The following SPAG17 variants were observed in gnomAD, a reference collection of about 807,000 sequenced individuals.
SPAG17 encodes the protein sperm-associated antigen 17.
In SPAG17, 169 loss-of-function variants were observed where a neutral mutation model predicts 273.6. That is an observed-to-expected ratio of 0.62 (90% CI 0.55 to 0.70). The LOEUF (loss-of-function observed/expected upper bound fraction) is 0.70. SPAG17 is among the 30% of genes least tolerant of loss of function. SPAG17 has a pLI of 0.00. For missense variants in SPAG17, 2,557 were observed against 2,627.8 expected, an observed-to-expected ratio of 0.97 and a Z score of 0.59; for synonymous variants, 825 against 873.2, an observed-to-expected ratio of 0.94 and a Z score of 0.97.
chr1:118,171,632 T>C (rs995419848), intron 1 of SPAG17, among the ~76,000 whole-genome samples: 1 of 152,206 alleles, frequency 6.6e-6, no homozygotes, highest in Non-Finnish European at 1.5e-5. Flanking sequence ...CTTTTCATAC[T>C]TATTTATTGG....
intron 32 of SPAG17, among the ~76,000 whole-genome samples, chr1:117,998,190 T>C (rs529952974): frequency 2.6e-5 from 4 of 152,272 alleles, no homozygotes; most frequent in East Asian, 3.9e-4. Flanking sequence ...TAGTTTAGGT[T>C]TTACATTTAA....
chr1:117,973,261 GTAGA>G (rs1375407918), intron 44 of SPAG17, among the ~76,000 whole-genome samples, 160 bp downstream of exon 44: 1 of 152,148 alleles, frequency 6.6e-6, no homozygotes, highest in African/African-American at 2.4e-5. Context: ...TGGTGAGATG[GTAGA>G]TACGGTCAAT....
At chr1:118,100,521 G>A (rs1403880985) in intron 5 of SPAG17, among the ~76,000 whole-genome samples, 1 of 152,092 alleles carries the variant, frequency 6.6e-6, no homozygotes, top group Non-Finnish European at 1.5e-5. Flanking sequence ...TTTCACAAAA[G>A]CCCATTAAGA....
chr1:117,988,595 T>C (rs1295836202), intron 38 of SPAG17, among the ~76,000 whole-genome samples: 2 of 152,148 alleles, frequency 1.3e-5, no homozygotes, highest in Non-Finnish European at 1.5e-5. Flanking sequence ...TATAAGACAA[T>C]GGTTGTTCAA....
At position 118,125,245 on chromosome 1, in the gene SPAG17, A is replaced by ATATATATT. The variant is rs146004766; in HGVS notation, c.316-9805_316-9804insAATATATA. Among the ~76,000 whole-genome samples, 640 of 150,818 alleles carry ATATATATT rather than the reference A, an allele frequency of 4.2e-3. 1 individual carries two copies. Among genetic ancestry groups the ATATATATT allele is most frequent in the Middle Eastern group, 0.014 (4 of 288 alleles). On this transcript the variant is annotated intron_variant, in intron 3 of 48. Transcript: ENST00000336338. ...TTATTGTATTCATATATATATATAT[A>ATATATATT]TTTTTGACATATAATAATGGTAAAT...
At chr1:118,018,690 T>C (rs1660202881) in intron 28 of SPAG17, among the ~76,000 whole-genome samples, 1 of 150,526 alleles carries the variant, frequency 6.6e-6, no homozygotes. Flanking sequence ...AAAAAATTGC[T>C]GAGCATGGTG....
intron 48 of SPAG17, chr1:117,955,368 T>C (rs1382626365): frequency 6.2e-7 from 1 of 1,611,340 alleles, no homozygotes; most frequent in African/African-American, 1.3e-5. Flanking sequence ...GGTGAGTGAG[T>C]CCTTGCGCAC....
chr1:118,032,408 A>G (rs992159423), intron 24 of SPAG17, among the ~76,000 whole-genome samples: 2 of 152,022 alleles, frequency 1.3e-5, no homozygotes, highest in African/African-American at 4.8e-5. Flanking sequence ...CCAGAATTCT[A>G]AAAGGAGAGC....
chr1:118,049,066 G>C (rs1028131492), intron 20 of SPAG17, among the ~76,000 whole-genome samples: 1 of 152,064 alleles, frequency 6.6e-6, no homozygotes, highest in African/African-American at 2.4e-5. Context: ...TAACAACTGA[G>C]AGACTGAATC....
intron 7 of SPAG17, 27 bp downstream of exon 7, chr1:118,097,642 AT>A: frequency 1.3e-6 from 2 of 1,525,818 alleles, no homozygotes; most frequent in Non-Finnish European, 1.8e-6. Context: ...TGTTAAAACC[AT>A]GCACTCTCAG....
chr1:117,986,324 A>C (rs886206209), intron 40 of SPAG17, among the ~76,000 whole-genome samples: 21 of 152,208 alleles, frequency 1.4e-4, no homozygotes, highest in African/African-American at 5.1e-4. Flanking sequence ...GTAACTGATA[A>C]ACTCAAATTC....
At chr1:118,125,346 T>A (rs146058492) in intron 3 of SPAG17, among the ~76,000 whole-genome samples, 1 of 152,150 alleles carries the variant, frequency 6.6e-6, no homozygotes, top group South Asian at 2.1e-4. Flanking sequence ...TTAGCATATC[T>A]ATCACCTCAA....
chr1:118,080,957 G>C (rs1654503867), intron 15 of SPAG17, 144 bp downstream of exon 15: 2 of 656,976 alleles, frequency 3.0e-6, no homozygotes, highest in South Asian at 4.0e-5. Context: ...AGAACTTATG[G>C]AACAACAATA....
intron 30 of SPAG17, among the ~76,000 whole-genome samples, chr1:118,012,015 A>T (rs1659522540): frequency 6.6e-6 from 1 of 152,060 alleles, no homozygotes; most frequent in African/African-American, 2.4e-5. Context: ...ATTAAATTTT[A>T]TAAAGCAAAT....
chr1:118,075,016 T>C (rs542800004), intron 15 of SPAG17, among the ~76,000 whole-genome samples: 73 of 152,326 alleles, frequency 4.8e-4, no homozygotes, highest in African/African-American at 1.7e-3. Flanking sequence ...TCTTATCTTG[T>C]GGATGACAGA....
At chr1:118,162,889 T>C (rs535265822) in intron 1 of SPAG17, among the ~76,000 whole-genome samples, 1 of 152,310 alleles carries the variant, frequency 6.6e-6, no homozygotes, top group East Asian at 1.9e-4. Flanking sequence ...ACATGCAACA[T>C]AAGTACTCAC....
At chr1:117,971,502 A>G (rs1273000985) in intron 45 of SPAG17, among the ~76,000 whole-genome samples, 1 of 152,226 alleles carries the variant, frequency 6.6e-6, no homozygotes, top group Non-Finnish European at 1.5e-5. Context: ...TATTATAGTT[A>G]GTGGATTTGA....
At chr1:118,041,178 G>A (rs547502550) in intron 21 of SPAG17, among the ~76,000 whole-genome samples, 45 of 152,126 alleles carry the variant, frequency 3.0e-4, no homozygotes, top group Non-Finnish European at 5.7e-4. Context: ...AACTGATGCT[G>A]TGGAGAGTGG....
intron 3 of SPAG17, among the ~76,000 whole-genome samples, chr1:118,126,043 G>GT (rs33966143): frequency 0.46 from 62,946 of 136,504 alleles, 15,390 homozygotes; most frequent in Non-Finnish European, 0.53. Flanking sequence ...GTTATTTTCT[G>GT]TTTTTTTTTT....
Sources: allele counts gnomAD v4.1 joint callset (sites outside exome capture counted in the v4.1 genomes callset), GRCh38; gene constraint gnomAD v4.1.1; transcripts MANE v1.5; gene names NCBI Gene and HGNC (gene_info 2026-07-23, HGNC 2026-07-21).